Variants in FASN observed in about 807,000 individuals in gnomAD.
FASN encodes the protein fatty acid synthase, also known as 3-hydroxyacyl-[acyl-carrier-protein] dehydratase.
A neutral mutation model predicts 250.0 loss-of-function variants in FASN; 50 were observed. That is an observed-to-expected ratio of 0.20 (90% CI 0.16 to 0.25). FASN has a LOEUF of 0.25. Among genes scored for constraint, FASN ranks in the 10% least tolerant of loss-of-function variants. The pLI, the probability that FASN is intolerant of heterozygous loss-of-function variation, is 1.00. For synonymous variants in FASN, 1,909 were observed against 1,584.0 expected (o/e 1.21, Z -4.87); for missense variants, 3,031 against 3,498.5 (o/e 0.87, Z 3.37).
chr17:82,082,261 G>T, intron 35 of FASN, 62 bp downstream of exon 35: 1 of 1,605,734 alleles, frequency 6.2e-7, no homozygotes. Flanking sequence ...AAACCACCTT[G>T]GCTCCCACGG....
rs368892638 is a variant in FASN, at chr17:82,090,567, G to A, written c.1681-3C>T. ...CTCAGCAGGTCTATGAGGCCTATCT[G>A]GGGTGGGAACAGGACACTCAGGTTG... On this transcript the variant is annotated splice_region_variant and splice_polypyrimidine_tract_variant and intron_variant, in intron 10 of 42. Coordinates refer to ENST00000306749, the MANE Select transcript of FASN (RefSeq NM_004104.5). 6.2e-6 allele frequency: 10 copies of A among 1,609,726 alleles called. No individual in the cohort carries two copies. The African/African-American group carries it at 9.4e-5, about 15-fold the overall frequency.
Position 82,089,037 on chromosome 17 carries a change from G to T in FASN, c.2236C>A (p.Gln746Lys). 6.2e-7 allele frequency: 1 copy of T among 1,606,050 alleles called. No individual in the cohort carries two copies. The highest frequency in any genetic ancestry group is 1.3e-5 in the African/African-American group (1 of 74,776). ...TCAGGCACGTGCCACAGGGCCTCCTGGAACAGCACAGGGCTCACCAGGTTG... is the reference window on the plus strand; with the variant it reads ...TCAGGCACGTGCCACAGGGCCTCCTTGAACAGCACAGGGCTCACCAGGTTG... ...VNNLVSPVLF[Q>K]EALWHVPEHA... is the part of the protein sequence containing the mutation. Residue 746 changes from glutamine to lysine, a missense_variant, in exon 14 of 43, where the codon CAG becomes AAG. Gln to Lys is a moderately conservative substitution (Grantham distance 53). Coordinates refer to ENST00000306749, the MANE Select transcript of FASN (RefSeq NM_004104.5).
chr17:82,087,831 G>A lies in FASN; in HGVS notation c.2897C>T (p.Pro966Leu). 1.2e-6 allele frequency: 2 copies of A among 1,612,662 alleles called. No homozygotes were observed. Among genetic ancestry groups the A allele is most frequent in the Non-Finnish European group, 1.7e-6 (2 of 1,179,914 alleles). ...GCTTTCCGGGTGGTCGAAGAGCCTG[G>A]GGTCAGGGTCATCCCACTGGTACAC... ...GKVYQWDDPD[P>L]RLFDHPESPT... The change falls in exon 19 of 43, where the codon CCC becomes CTC. Residue 966 changes from proline to leucine, a missense_variant. By Grantham distance (98) the Pro-to-Leu change is moderately conservative. Coordinates refer to ENST00000306749, the MANE Select transcript of FASN (RefSeq NM_004104.5).
chr17:82,095,574 G>A (rs930167108), intron 2 of FASN, 102 bp from the exon 3 acceptor site: 6 of 1,419,070 alleles, frequency 4.2e-6, no homozygotes, highest in African/African-American at 1.4e-5. Context: ...TGGAACTGAG[G>A]ACTCTCTGCT....
At chr17:82,086,584 G>T (rs1352495331) in intron 21 of FASN, 26 bp from the exon 22 acceptor site, 56 of 1,575,900 alleles carry the variant, frequency 3.6e-5, no homozygotes, top group Non-Finnish European at 4.9e-5. Flanking sequence ...GGCAGGCCTG[G>T]TGTTCCCAAA....
At chr17:82,090,749 G>T in intron 10 of FASN, 133 bp downstream of exon 10, 1 of 1,153,476 alleles carries the variant, frequency 8.7e-7, no homozygotes, top group Non-Finnish European at 1.3e-6. Context: ...CTCCCGTCCT[G>T]CCCCCAGCAC....
At position 82,084,498 on chromosome 17, in the gene FASN, C is replaced by T; in HGVS notation, c.4768+15G>A. 4 of 1,602,182 alleles carry T rather than the reference C, an allele frequency of 2.5e-6. No individual in the cohort carries two copies. Among genetic ancestry groups the T allele is most frequent in the Non-Finnish European group, 3.4e-6 (4 of 1,175,216 alleles). ...CCCGGCCCAGTCCACTCCCACGGCC[C>T]CATGCCACCCATACCTGGGATGGCA... On this transcript the variant is annotated intron_variant, in intron 27 of 42. Transcript: ENST00000306749.
rs774371652 is a variant in FASN, at chr17:82,095,379, G to A, written c.221C>T (p.Thr74Met). 15 of 1,612,876 alleles carry A rather than the reference G, an allele frequency of 9.3e-6. No homozygotes were observed. Among genetic ancestry groups the A allele is most frequent in the Middle Eastern group, 1.6e-4 (1 of 6,084 alleles). The change falls in exon 3 of 43, where the codon ACG becomes ATG. Residue 74 changes from threonine (T) to methionine (M), a missense_variant. Physicochemically the swap from Thr to Met is moderately conservative, Grantham distance 81. Transcript: ENST00000306749. The part of the protein sequence containing the change: ...FFGVHPKQAH[T>M]MDPQLRLLLE... ...CAGCAGCCGCAGCTGAGGGTCCATC[G>A]TGTGTGCCTGCTTGGGGTGGACTCC...
In FASN at chr17:82,084,605, G is replaced by A. The variant is rs746992694; in HGVS notation, c.4676C>T (p.Pro1559Leu). The A allele has an allele frequency of 6.8e-6, 11 of 1,609,178 alleles. No individual in the cohort carries two copies. The highest frequency in any genetic ancestry group is 8.5e-6 in the Non-Finnish European group (10 of 1,178,596). Reference sequence around the variant, plus strand: ...GTAGACCGTGCAGAGCTGGGCGCCAGGGCAGGTGGGCTGGGCATGGCGCAG... The same window carrying A: ...GTAGACCGTGCAGAGCTGGGCGCCAAGGCAGGTGGGCTGGGCATGGCGCAG... ...SSLRHAQPTC[P>L]GAQLCTVYYA... The change falls in exon 27 of 43, where the codon CCT (proline) becomes CTT (leucine). Residue 1559 changes from proline (P) to leucine (L), a missense_variant. Pro to Leu is a moderately conservative substitution (Grantham distance 98, BLOSUM62 -3). Transcript: ENST00000306749.
At chr17:82,092,366 G>A in intron 8 of FASN, 89 bp downstream of exon 8, 1 of 1,410,316 alleles carries the variant, frequency 7.1e-7, no homozygotes, top group East Asian at 2.5e-5. Context: ...CCTCCACTTG[G>A]CAAAGAGAAA....
chr17:82,090,273 C>T (rs2144800725), intron 11 of FASN, 102 bp downstream of exon 11: 1 of 1,235,394 alleles, frequency 8.1e-7, no homozygotes. Context: ...GCGGGGGCCA[C>T]TCTATCCTAC....
chr17:82,097,273 G>C (rs1364277182), intron 1 of FASN: 1 of 152,620 alleles, frequency 6.6e-6, no homozygotes, highest in African/African-American at 2.4e-5. Flanking sequence ...CACCACAGGA[G>C]GCCCTCCCTG....
chr17:82,092,661 TG>T (rs1393904292), intron 7 of FASN, 35 bp downstream of exon 7: 3 of 1,075,202 alleles, frequency 2.8e-6, no homozygotes. Flanking sequence ...GTTAGGCTCA[TG>T]GGGTGGTGAG....
intron 8 of FASN, 89 bp from the exon 9 acceptor site, chr17:82,091,773 TG>T: frequency 8.1e-7 from 1 of 1,238,136 alleles, no homozygotes; most frequent in Non-Finnish European, 1.1e-6. Flanking sequence ...GACTCTCATG[TG>T]GGGCCAGGGT....
At chr17:82,090,757 C>A in intron 10 of FASN, 125 bp downstream of exon 10, 1 of 1,205,222 alleles carries the variant, frequency 8.3e-7, no homozygotes, top group Non-Finnish European at 1.2e-6. Context: ...CTGCCCCCAG[C>A]ACAAGGCTCT....
intron 30 of FASN, 36 bp from the exon 31 acceptor site, chr17:82,083,675 T>C (rs778549804): frequency 4.4e-6 from 7 of 1,603,582 alleles, no homozygotes; most frequent in Admixed American, 3.4e-5. Flanking sequence ...TCACACCCAC[T>C]GCAAGCCCAG....
Position 82,080,872 on chromosome 17 carries a change from G to C in FASN, c.6646C>G (p.Gln2216Glu). The C allele has an allele frequency of 6.2e-7, 1 of 1,611,380 alleles. No individual in the cohort carries two copies. Among genetic ancestry groups the C allele is most frequent in the Non-Finnish European group, 8.5e-7 (1 of 1,179,538 alleles). ...KEDGLAQQQT[Q>E]LNLRSLLVNP... ...ACCAGCAGGGAGCGCAGGTTCAGCTGAGTCTGCTGCTGGGCCAGACCATCC... is the reference window on the plus strand; with the variant it reads ...ACCAGCAGGGAGCGCAGGTTCAGCTCAGTCTGCTGCTGGGCCAGACCATCC... Residue 2216 changes from glutamine to glutamate, a missense_variant, in exon 39 of 43, where the codon CAG (glutamine) becomes GAG (glutamate). Coordinates refer to ENST00000306749, the MANE Select transcript of FASN (RefSeq NM_004104.5).
chr17:82,085,290 G>C lies in FASN; in HGVS notation c.4235C>G (p.Pro1412Arg), dbSNP rs1174469156. The C allele has an allele frequency of 1.2e-6, 2 of 1,611,472 alleles. No individual in the cohort carries two copies. The highest frequency in any genetic ancestry group is 1.7e-6 in the Non-Finnish European group (2 of 1,179,514). Reference sequence around the variant, plus strand: ...GGTATCGTCCACCGGCAGGAAGATGGGGCTGTCCTGCGGGGTGGGCCGGCG... The same window carrying C: ...GGTATCGTCCACCGGCAGGAAGATGCGGCTGTCCTGCGGGGTGGGCCGGCG... ...LCRRPTPQDS[P>R]IFLPVDDTSF... Residue 1412 changes from proline to arginine, a missense_variant, in exon 24 of 43, where the codon CCC becomes CGC. Coordinates refer to ENST00000306749, the MANE Select transcript of FASN (RefSeq NM_004104.5).
At chr17:82,095,188 G>A (rs2034283216) in intron 3 of FASN, 132 bp downstream of exon 3, 9 of 1,156,028 alleles carry the variant, frequency 7.8e-6, no homozygotes, top group Middle Eastern at 1.9e-4. Flanking sequence ...CCGTTGGCCA[G>A]GCCAGGGGCA....
Sources: allele counts gnomAD v4.1 joint callset, GRCh38; gene constraint gnomAD v4.1.1; transcripts MANE v1.5; gene names NCBI Gene and HGNC (gene_info 2026-07-23, HGNC 2026-07-21).